GPR26: variants seen among roughly 807,000 people sequenced by gnomAD.
The protein encoded by GPR26 is G protein-coupled receptor 26.
A neutral mutation model predicts 23.1 loss-of-function variants in GPR26; 15 were observed. The observed-to-expected ratio is 0.65, with a 90% CI of 0.43 to 1.00. The LOEUF (loss-of-function observed/expected upper bound fraction) is 1.00, where lower values mean the gene tolerates loss of function less well. GPR26 is among the 50% of genes least tolerant of loss of function. The probability of loss-of-function intolerance (pLI) is 0.00; values close to 1 mark genes in which losing one functional copy is unlikely to be tolerated. For synonymous variants in GPR26, 228 were observed against 222.1 expected, an observed-to-expected ratio of 1.03 and a Z score of -0.24; for missense variants, 359 against 470.5, an observed-to-expected ratio of 0.76 and a Z score of 2.19.
At chr10:123,675,374 A>G (rs776732836) in intron 2 of GPR26, among the ~76,000 whole-genome samples, 8 of 152,124 alleles carry the variant, frequency 5.3e-5, no homozygotes, top group Non-Finnish European at 1.2e-4. Flanking sequence ...CAGCAAAGTC[A>G]CCTGCCACCT....
intron 2 of GPR26, among the ~76,000 whole-genome samples, chr10:123,679,873 G>T (rs947606019): frequency 6.6e-6 from 1 of 152,178 alleles, no homozygotes; most frequent in African/African-American, 2.4e-5. Context: ...GAGGCTTGCT[G>T]AGCGAGTCAT....
intron 1 of GPR26, among the ~76,000 whole-genome samples, chr10:123,670,567 C>A (rs1342833364): frequency 6.6e-6 from 1 of 152,178 alleles, no homozygotes; most frequent in African/African-American, 2.4e-5. Flanking sequence ...ATTTAGAATT[C>A]TCAGGCTCCT....
At position 123,674,928 on chromosome 10, in the gene GPR26, C is replaced by A. The variant is rs1349495991; in HGVS notation, c.779C>A (p.Thr260Asn). ...GTGTGCTTCGCGCCCTATGTGATCACCAGGTGAGCCTGATTGGCAGGTGTG... is the reference window on the plus strand; with the variant it reads ...GTGTGCTTCGCGCCCTATGTGATCAACAGGTGAGCCTGATTGGCAGGTGTG... ...FLVCFAPYVI[T>N]RLVELFSTVP... The change falls in exon 2 of 3, where the codon ACC becomes AAC. Residue 260 changes from threonine to asparagine, a missense_variant. Physicochemically the swap from Thr to Asn is moderately conservative, Grantham distance 65. Coordinates refer to ENST00000284674, the MANE Select transcript of GPR26 (RefSeq NM_153442.4). This position sits in a 1 kb window ranked among gnomAD's most constrained non-coding sequence, Gnocchi z 4.1. 6 of 1,591,010 alleles carry A rather than the reference C, an allele frequency of 3.8e-6. No homozygotes were observed. Among genetic ancestry groups the A allele is most frequent in the East Asian group, 2.2e-5 (1 of 44,744 alleles).
At position 123,689,412 on chromosome 10, in the gene GPR26, G is replaced by C. The variant is rs1158721721; in HGVS notation, c.*1252G>C. ...GCACCTATAAAACACATGCCAATCT[G>C]TTAGCAGTCCTGACTTGATTTAATA... On this transcript the variant is annotated 3_prime_UTR_variant, in exon 3 of 3. Transcript: ENST00000284674. 6.6e-6 allele frequency: 1 copy of C among 152,182 alleles called. No homozygotes were observed. Among genetic ancestry groups the C allele is most frequent in the Non-Finnish European group, 1.5e-5 (1 of 68,032 alleles). 9.4% of individuals were successfully genotyped at this position (152,182 alleles called of 1,614,324 possible). A position where few individuals can be genotyped will look rare whatever the true frequency, so the allele number is the denominator to read the frequency against.
intron 2 of GPR26, among the ~76,000 whole-genome samples, chr10:123,687,203 A>C (rs1007878365): frequency 6.6e-6 from 1 of 152,078 alleles, no homozygotes; most frequent in African/African-American, 2.4e-5. Flanking sequence ...GTCAAAGACC[A>C]CCAGGATCCG....
chr10:123,679,509 G>A (rs1845345151), intron 2 of GPR26, among the ~76,000 whole-genome samples: 1 of 152,218 alleles, frequency 6.6e-6, no homozygotes, highest in Non-Finnish European at 1.5e-5. Context: ...GGCTGGGCAT[G>A]GATGGCTTTA....
chr10:123,669,828 C>T (rs987786536), intron 1 of GPR26, among the ~76,000 whole-genome samples: 4 of 152,178 alleles, frequency 2.6e-5, no homozygotes, highest in Non-Finnish European at 4.4e-5. Flanking sequence ...GGAAGCATTC[C>T]GCACTCCTGC....
At chr10:123,679,806 G>A (rs1444390655) in intron 2 of GPR26, among the ~76,000 whole-genome samples, 2 of 151,778 alleles carry the variant, frequency 1.3e-5, no homozygotes, top group African/African-American at 4.8e-5. Flanking sequence ...GGCATGCAGA[G>A]AGTGCTCCCA....
Position 123,690,587 on chromosome 10 carries a change from A to G in GPR26, c.*2427A>G, listed in dbSNP as rs959047785. The G allele has an allele frequency of 1.3e-5, 2 of 152,184 alleles. No individual in the cohort carries two copies. The highest frequency in any genetic ancestry group is 4.8e-5 in the African/African-American group (2 of 41,448). The allele number at this position is 152,184 out of a possible 1,614,324, so 9.4% of individuals were successfully genotyped here. A position where few individuals can be genotyped will look rare whatever the true frequency, so the allele number is the denominator to read the frequency against. On this transcript the variant is annotated 3_prime_UTR_variant, in exon 3 of 3. Transcript: ENST00000284674. Reference sequence around the variant, plus strand: ...TATACCTCTAAAACCAATTGTACCGACATCACGTAGACAAAAACTCCAGAT... The same window carrying G: ...TATACCTCTAAAACCAATTGTACCGGCATCACGTAGACAAAAACTCCAGAT...
chr10:123,673,310 G>A (rs1845271493), intron 1 of GPR26, among the ~76,000 whole-genome samples: 1 of 152,202 alleles, frequency 6.6e-6, no homozygotes, highest in Non-Finnish European at 1.5e-5. Context: ...TGAGTCTCCT[G>A]GCAGGCAGGG....
At position 123,695,555 on chromosome 10, in the gene GPR26, C is replaced by T. The variant is rs981831591; in HGVS notation, c.*7395C>T. Among the ~76,000 whole-genome samples the T allele has an allele frequency of 4.5e-4, 68 of 152,186 alleles. No individual in the cohort carries two copies. The highest frequency in any genetic ancestry group is 1.5e-3 in the African/African-American group (64 of 41,542). The stretch of plus-strand genomic sequence containing the variant: ...AATCCTCAGGGATTGGGTTTGATGT[C>T]GGGGGAGCATTGGATGCCATCACGT... On this transcript the variant is annotated 3_prime_UTR_variant, in exon 3 of 3. Coordinates refer to ENST00000284674, the MANE Select transcript of GPR26 (RefSeq NM_153442.4).
At position 123,690,294 on chromosome 10, in the gene GPR26, C is replaced by T. The variant is rs1845477919; in HGVS notation, c.*2134C>T. 1 of 152,230 alleles carries T rather than the reference C, an allele frequency of 6.6e-6. No individual in the cohort carries two copies. Among genetic ancestry groups the T allele is most frequent in the South Asian group, 2.1e-4 (1 of 4,836 alleles). 9.4% of individuals were successfully genotyped at this position (152,230 alleles called of 1,614,324 possible). A position where few individuals can be genotyped will look rare whatever the true frequency, so the allele number is the denominator to read the frequency against. ...AATTGGAGGAGAGTAGCTCCCTTCT[C>T]ACACAAACGCTTTCAAAGTTGGGCA... On this transcript the variant is annotated 3_prime_UTR_variant, in exon 3 of 3. Coordinates refer to ENST00000284674, the MANE Select transcript of GPR26 (RefSeq NM_153442.4).
At position 123,687,965 on chromosome 10, in the gene GPR26, C is replaced by T. The variant is rs1397977523; in HGVS notation, c.819C>T (p.Ser273=). The T allele has an allele frequency of 3.1e-6, 5 of 1,613,788 alleles. No individual in the cohort carries two copies. Among genetic ancestry groups the T allele is most frequent in the East Asian group, 4.5e-5 (2 of 44,864 alleles). Residue 273 remains serine (S), a synonymous_variant, in exon 3 of 3, where the codon TCC becomes TCT. Transcript: ENST00000284674. ...TCTTCTCCACGGTGCCCATCGGCTCCCACTGGGGGGTGCTGTCCAAGTGCT... is the reference window on the plus strand; with the variant it reads ...TCTTCTCCACGGTGCCCATCGGCTCTCACTGGGGGGTGCTGTCCAAGTGCT... ...VELFSTVPIG[S]HWGVLSKCLA...
chr10:123,686,835 C>A (rs1463506421), intron 2 of GPR26, among the ~76,000 whole-genome samples: 2 of 152,220 alleles, frequency 1.3e-5, no homozygotes, highest in African/African-American at 4.8e-5. Flanking sequence ...TGATATCTGG[C>A]AACCCCTTTC....
intron 1 of GPR26, 47 bp downstream of exon 1, chr10:123,667,122 C>G (rs1458680706): frequency 7.2e-7 from 1 of 1,380,994 alleles, no homozygotes; most frequent in African/African-American, 1.5e-5. Context: ...CGCGGGATCT[C>G]GGCGGGAGTG....
chr10:123,670,690 C>T (rs181738484), intron 1 of GPR26, among the ~76,000 whole-genome samples: 9 of 152,328 alleles, frequency 5.9e-5, no homozygotes, highest in Admixed American at 2.6e-4. Flanking sequence ...GCACGTTGCA[C>T]ACCCATATTC....
intron 1 of GPR26, among the ~76,000 whole-genome samples, chr10:123,671,353 T>C (rs1233187889): frequency 6.6e-6 from 1 of 152,194 alleles, no homozygotes; most frequent in Non-Finnish European, 1.5e-5. Context: ...TGTCTCCTTT[T>C]GTCTCAAGGA....
intron 1 of GPR26, among the ~76,000 whole-genome samples, chr10:123,673,403 C>T (rs34424602): frequency 6.6e-6 from 1 of 152,276 alleles, no homozygotes; most frequent in East Asian, 1.9e-4. Flanking sequence ...AACAGACTGC[C>T]TATTTTTGGA....
At position 123,675,628 on chromosome 10, in the gene GPR26, TACTC is replaced by T. The variant is rs541065150; in HGVS notation, c.782+699_782+702del. Among the ~76,000 whole-genome samples the T allele has an allele frequency of 7.4e-4, 113 of 152,242 alleles. 1 individual carries two copies. The highest frequency in any genetic ancestry group is 2.5e-3 in the African/African-American group (104 of 41,544). On this transcript the variant is annotated intron_variant, in intron 2 of 2. Transcript: ENST00000284674. ...AGCCAGAAAGAAGGAAAATATATAT[TACTC>T]AATCAGTTTTGTGCACTGGAGGGAA...
Sources: allele counts gnomAD v4.1 joint callset (sites outside exome capture counted in the v4.1 genomes callset), GRCh38; gene constraint gnomAD v4.1.1; non-coding constraint Gnocchi (gnomAD v3.1); transcripts MANE v1.5; gene names NCBI Gene and HGNC (gene_info 2026-07-23, HGNC 2026-07-21).